The following KIF1C variants were observed in gnomAD, a reference collection of about 807,000 sequenced individuals.
KIF1C encodes kinesin family member 1C, also known as kinesin-like protein KIF1C.
Under a neutral mutation model 126.5 loss-of-function variants are expected in KIF1C, and 61 were observed. The observed-to-expected ratio is 0.48, with a 90% CI of 0.39 to 0.60. KIF1C has a LOEUF of 0.60. KIF1C is among the 20% of genes least tolerant of loss of function. The pLI, the probability that KIF1C is intolerant of heterozygous loss-of-function variation, is 0.00. For synonymous variants in KIF1C, 640 were observed against 580.6 expected, an observed-to-expected ratio of 1.10 and a Z score of -1.47; for missense variants, 1,315 against 1,489.2, an observed-to-expected ratio of 0.88 and a Z score of 1.93.
Position 5,026,741 on chromosome 17 carries a change from A to C in KIF1C, c.*2590A>C, listed in dbSNP as rs1415952804. On this transcript the variant is annotated 3_prime_UTR_variant, in exon 23 of 23. Coordinates refer to ENST00000320785, the MANE Select transcript of KIF1C (RefSeq NM_006612.6). ...GCCTGGGCAAGAGTGGGACTCTCTC[A>C]AAAAAAAAAAAAAAAAAAAATCCAC... 10 of 3,826 alleles carry C rather than the reference A, an allele frequency of 2.6e-3. No individual in the cohort carries two copies. The highest frequency in any genetic ancestry group is 4.7e-3 in the Admixed American group (2 of 428). 0.2% of individuals were successfully genotyped at this position (3,826 alleles called of 1,614,324 possible).
rs1444698572 is a variant in KIF1C at position 5,025,781 on chromosome 17, C to G, written c.*1630C>G. On this transcript the variant is annotated 3_prime_UTR_variant, in exon 23 of 23. Coordinates refer to ENST00000320785, the MANE Select transcript of KIF1C (RefSeq NM_006612.6). ...CTTGCAGTGAGCTGAGATTGCGCCA[C>G]TGCACTCCAGCCTGGGCGACAGAGC... 7 of 152,258 alleles carry G rather than the reference C, an allele frequency of 4.6e-5. No individual in the cohort carries two copies. 9.4% of individuals were successfully genotyped at this position (152,258 alleles called of 1,614,324 possible). A position where few individuals can be genotyped will look rare whatever the true frequency, so the allele number is the denominator to read the frequency against.
rs770901418 is a variant in KIF1C, at chr17:5,002,074, TTC to T, written c.384_385del (p.Val130Ter). ...CCCCCTCCAGCTCTGTGAGGACCTC[TTC>T]TCTCGCGTTAGTGAGAACCAGAGTG... ...GIVPQLCEDLFSRVSENQSAQ... is the reference protein window; with the variant it reads ...GIVPQLCEDLXSRVSENQSAQ... On this transcript the variant is annotated frameshift_variant, in exon 6 of 23. Transcript: ENST00000320785. LOFTEE classifies it high-confidence loss of function. The T allele has an allele frequency of 6.2e-7, 1 of 1,614,056 alleles. No homozygotes were observed. The highest frequency in any genetic ancestry group is 8.5e-7 in the Non-Finnish European group (1 of 1,179,934).
intron 16 of KIF1C, 144 bp from the exon 17 acceptor site, chr17:5,013,509 C>T: frequency 1.6e-6 from 1 of 642,716 alleles, no homozygotes. Context: ...GGGAGGAGTA[C>T]AGAGGGCAGG....
At position 5,000,362 on chromosome 17, in the gene KIF1C, T is replaced by A; in HGVS notation, c.106+10T>A. The A allele has an allele frequency of 6.4e-7, 1 of 1,552,300 alleles. No individual in the cohort carries two copies. The highest frequency in any genetic ancestry group is 1.2e-5 in the South Asian group (1 of 84,932). ...CAGGGCAACACCACCTGTGAGTGAG[T>A]CCCCGGGGCCTGGCTGGGCACAGGC... On this transcript the variant is annotated intron_variant, in intron 3 of 22. Coordinates refer to ENST00000320785, the MANE Select transcript of KIF1C (RefSeq NM_006612.6).
At chr17:5,021,827 C>A (rs1206806500) in intron 21 of KIF1C, among the ~76,000 whole-genome samples, 2 of 152,074 alleles carry the variant, frequency 1.3e-5, no homozygotes, top group Admixed American at 6.6e-5. Flanking sequence ...TTAGCTACAA[C>A]TAATACTTAT....
At position 5,028,353 on chromosome 17, in the gene KIF1C, T is replaced by C. The variant is rs922207157; in HGVS notation, c.*4202T>C. The C allele has an allele frequency of 5.3e-5, 8 of 152,210 alleles. No individual in the cohort carries two copies. The highest frequency in any genetic ancestry group is 1.0e-4 in the Non-Finnish European group (7 of 68,046). The allele number at this position is 152,210 out of a possible 1,614,324, so 9.4% of individuals were successfully genotyped here. A position where few individuals can be genotyped will look rare whatever the true frequency, so the allele number is the denominator to read the frequency against. On this transcript the variant is annotated 3_prime_UTR_variant, in exon 23 of 23. Coordinates refer to ENST00000320785, the MANE Select transcript of KIF1C (RefSeq NM_006612.6). ...CTTTTAGACATGTTTTTTGTTGTTGTTGTCACCTGGAACTTTTGTATCTTG... is the reference window on the plus strand; with the variant it reads ...CTTTTAGACATGTTTTTTGTTGTTGCTGTCACCTGGAACTTTTGTATCTTG...
chr17:5,006,081 C>T (rs1309433678), intron 13 of KIF1C, among the ~76,000 whole-genome samples: 1 of 150,396 alleles, frequency 6.6e-6, no homozygotes, highest in African/African-American at 2.4e-5. Context: ...GTGGCACGCA[C>T]CTGTAATCCC....
intron 18 of KIF1C, among the ~76,000 whole-genome samples, chr17:5,018,490 G>A (rs1975025569): frequency 6.6e-6 from 1 of 151,850 alleles, no homozygotes; most frequent in African/African-American, 2.4e-5. Flanking sequence ...AGGAGTTGGA[G>A]ACCAGCCTGA....
chr17:5,023,767 G>C lies in KIF1C; in HGVS notation c.2928G>C (p.Lys976Asn). ...GCTTTGTGCCCCCTCACGACTGCAAGCTACGCTTCCCCTTCAAGAGCAACC... is the reference window on the plus strand; with the variant it reads ...GCTTTGTGCCCCCTCACGACTGCAACCTACGCTTCCCCTTCAAGAGCAACC... ...PARFVPPHDC[K>N]LRFPFKSNPQ... Residue 976 changes from lysine to asparagine, a missense_variant, in exon 23 of 23, where the codon AAG becomes AAC. By Grantham distance (94) the Lys-to-Asn change is moderately conservative (BLOSUM62 0). Transcript: ENST00000320785. This position sits in a 1 kb window ranked among gnomAD's most constrained non-coding sequence, Gnocchi z 4.2. 6.6e-7 allele frequency: 1 copy of C among 1,522,752 alleles called. No homozygotes were observed. The highest frequency in any genetic ancestry group is 8.8e-7 in the Non-Finnish European group (1 of 1,138,570). 94.3% of individuals were successfully genotyped at this position (1,522,752 alleles called of 1,614,324 possible). A position where few individuals can be genotyped will look rare whatever the true frequency, so the allele number is the denominator to read the frequency against.
At chr17:5,001,942 TCAAGGCTGTAG>T (rs1974604577) in intron 5 of KIF1C, 106 bp from the exon 6 acceptor site, 3 of 897,490 alleles carry the variant, frequency 3.3e-6, no homozygotes. Context: ...AACCCCTCCC[TCAAGGCTGTAG>T]CAAGGGTTAA....
chr17:5,022,022 A>C lies in KIF1C; in HGVS notation c.2011-70A>C, dbSNP rs1314051137. On this transcript the variant is annotated intron_variant, in intron 21 of 22. Coordinates refer to ENST00000320785, the MANE Select transcript of KIF1C (RefSeq NM_006612.6). This position sits in a 1 kb window ranked among gnomAD's most constrained non-coding sequence, Gnocchi z 4.9. ...GGCGTGTTTCCAGTGTACTTAGGAC[A>C]CACTGGGCCAAGACACATGGGCTCT... The C allele has an allele frequency of 1.5e-5, 22 of 1,501,970 alleles. No individual in the cohort carries two copies. The highest frequency in any genetic ancestry group is 2.0e-5 in the Non-Finnish European group (22 of 1,122,050). The allele number at this position is 1,501,970 out of a possible 1,614,324, so 93.0% of individuals were successfully genotyped here.
intron 18 of KIF1C, among the ~76,000 whole-genome samples, chr17:5,018,333 A>C (rs1177799883): frequency 6.9e-6 from 1 of 145,418 alleles, no homozygotes; most frequent in East Asian, 2.1e-4. Context: ...ATATTAATAG[A>C]ATTAAATGCC....
chr17:5,004,580 C>T lies in KIF1C; in HGVS notation c.954C>T (p.Arg318=). 6.2e-7 allele frequency: 1 copy of T among 1,614,160 alleles called. No individual in the cohort carries two copies. The highest frequency in any genetic ancestry group is 8.5e-7 in the Non-Finnish European group (1 of 1,180,016). Residue 318 remains arginine, a synonymous_variant, in exon 12 of 23, where the codon CGC becomes CGT. Transcript: ENST00000320785. The part of the protein sequence containing the change: ...LLKENLGGNS[R]TAMIAALSPA... ...CTCCATTCACAGGGGGGAACTCACG[C>T]ACAGCCATGATTGCAGCCCTGAGCC...
intron 18 of KIF1C, among the ~76,000 whole-genome samples, chr17:5,018,659 G>A (rs1289822419): frequency 6.6e-6 from 1 of 150,778 alleles, no homozygotes; most frequent in Non-Finnish European, 1.5e-5. Flanking sequence ...TTGCACTCCA[G>A]CCTCCAACAA....
Position 5,024,308 on chromosome 17 carries a change from G to C in KIF1C, c.*157G>C. 2 of 555,988 alleles carry C rather than the reference G, an allele frequency of 3.6e-6. No individual in the cohort carries two copies. The highest frequency in any genetic ancestry group is 6.2e-6 in the Non-Finnish European group (2 of 320,772). The allele number at this position is 555,988 out of a possible 1,614,324, so 34.4% of individuals were successfully genotyped here. A position where few individuals can be genotyped will look rare whatever the true frequency, so the allele number is the denominator to read the frequency against. On this transcript the variant is annotated 3_prime_UTR_variant, in exon 23 of 23. Transcript: ENST00000320785. Reference sequence around the variant, plus strand: ...TAGAAGACAAGGGGGAGACCGAGCCGGAGGCTGAGGAAAGGAAGAGGGCAC... The same window carrying C: ...TAGAAGACAAGGGGGAGACCGAGCCCGAGGCTGAGGAAAGGAAGAGGGCAC...
rs776829664 is a variant in KIF1C at position 5,013,628 on chromosome 17, T to C, written c.1492-25T>C. 2.5e-6 allele frequency: 4 copies of C among 1,595,620 alleles called. No individual in the cohort carries two copies. The Admixed American group carries it at 6.7e-5, about 27-fold the overall frequency. On this transcript the variant is annotated intron_variant, in intron 16 of 22. Coordinates refer to ENST00000320785, the MANE Select transcript of KIF1C (RefSeq NM_006612.6). ...TATAGCACCCCTGGCTGGCTCCCCCTGACCACCTTTCTCTCCCCGCTTAGA... is the reference window on the plus strand; with the variant it reads ...TATAGCACCCCTGGCTGGCTCCCCCCGACCACCTTTCTCTCCCCGCTTAGA...
At chr17:5,015,582 CTTTTTTTTTT>C (rs58961639) in intron 18 of KIF1C, among the ~76,000 whole-genome samples, 772 of 71,246 alleles carry the variant, frequency 0.011, 10 homozygotes, top group South Asian at 0.028. Flanking sequence ...CTGCCCCCAG[CTTTTTTTTTT>C]TTTTTTTTTT....
At position 5,020,873 on chromosome 17, in the gene KIF1C, C is replaced by T. The variant is rs1456471745; in HGVS notation, c.2005C>T (p.Arg669Ter). 8 of 1,577,438 alleles carry T rather than the reference C, an allele frequency of 5.1e-6. No individual in the cohort carries two copies. The highest frequency in any genetic ancestry group is 6.9e-6 in the Non-Finnish European group (8 of 1,161,378). Residue 669 changes from arginine to a stop codon, truncating the protein, a stop_gained, in exon 21 of 23, where the codon CGA becomes TGA. Transcript: ENST00000320785. LOFTEE classifies it high-confidence loss of function. This position sits in a 1 kb window ranked among gnomAD's most constrained non-coding sequence, Gnocchi z 5.8. ...EEADLLLEQQ[R>*]LYADSDSGDD... The stretch of plus-strand genomic sequence containing the variant: ...AGCCGATCTTCTGCTGGAGCAGCAG[C>T]GACTGGTGAGGGGCAGCAGGGGCTG...
intron 4 of KIF1C, 32 bp downstream of exon 4, chr17:5,000,880 A>T: frequency 1.3e-6 from 2 of 1,593,714 alleles, no homozygotes; most frequent in Non-Finnish European, 1.7e-6. Context: ...AGAGCAAGGC[A>T]GTGAGAGACA....
Sources: gnomAD v4.1 joint callset for allele counts (sites outside exome capture counted in the v4.1 genomes callset) on GRCh38, gnomAD v4.1.1 for gene constraint, Gnocchi (gnomAD v3.1) non-coding constraint, MANE v1.5 for transcripts, NCBI Gene and HGNC (gene_info 2026-07-23, HGNC 2026-07-21) for gene names.